Variants in ASB3 observed in about 807,000 individuals in gnomAD.
ASB3 encodes ankyrin repeat and SOCS box containing 3, also known as ankyrin repeat and SOCS box protein 3.
ASB3 carries 41 observed loss-of-function variants against 54.5 expected under a neutral mutation model. The ratio of observed to expected loss-of-function variants is 0.75; its 90% CI spans 0.59 to 0.98. The LOEUF is 0.98. Among genes scored for constraint, ASB3 ranks in the 50% least tolerant of loss-of-function variants. The pLI is 0.00. For missense variants in ASB3, 733 were observed against 620.0 expected (o/e 1.18, Z -1.94); for synonymous variants, 266 against 221.2 (o/e 1.20, Z -1.80).
intron 9 of ASB3, among the ~76,000 whole-genome samples, chr2:53,676,269 T>C (rs1470426197): frequency 6.6e-6 from 1 of 152,224 alleles, no homozygotes; most frequent in Non-Finnish European, 1.5e-5. Flanking sequence ...CGTGCAATTC[T>C]GGATTCAACT....
At chr2:53,737,191 T>C (rs1442742855) in intron 3 of ASB3, among the ~76,000 whole-genome samples, 2 of 152,084 alleles carry the variant, frequency 1.3e-5, no homozygotes, top group East Asian at 3.9e-4. Context: ...CAACTGTGAT[T>C]CCCGAGAGAA....
intron 1 of ASB3, among the ~76,000 whole-genome samples, chr2:53,776,535 T>C (rs942403751): frequency 6.6e-6 from 1 of 152,214 alleles, no homozygotes; most frequent in Non-Finnish European, 1.5e-5. Flanking sequence ...TTGGCCAGTG[T>C]AGTGGCTCAC....
At chr2:53,736,239 C>T (rs1035781439) in intron 3 of ASB3, among the ~76,000 whole-genome samples, 11 of 152,176 alleles carry the variant, frequency 7.2e-5, no homozygotes, top group African/African-American at 2.7e-4. Flanking sequence ...TGGAAAAGTA[C>T]TCACCTTCTT....
intron 5 of ASB3, among the ~76,000 whole-genome samples, chr2:53,724,334 T>C (rs1670871944): frequency 6.6e-6 from 1 of 152,162 alleles, no homozygotes; most frequent in Admixed American, 6.5e-5. Context: ...GCACATTGGC[T>C]CACGCCTGTA....
intron 9 of ASB3, among the ~76,000 whole-genome samples, chr2:53,678,210 C>G (rs938261765): frequency 6.6e-6 from 1 of 151,990 alleles, no homozygotes; most frequent in Non-Finnish European, 1.5e-5. Flanking sequence ...GTACACAACA[C>G]AGTATTTTTA....
intron 6 of ASB3, among the ~76,000 whole-genome samples, chr2:53,715,170 G>C (rs1670315815): frequency 6.6e-6 from 1 of 152,052 alleles, no homozygotes; most frequent in Non-Finnish European, 1.5e-5. Flanking sequence ...AAAGAAGCTG[G>C]CTCCTAGGTA....
chr2:53,675,856 T>C (rs374991187), intron 9 of ASB3, among the ~76,000 whole-genome samples: 3 of 152,184 alleles, frequency 2.0e-5, no homozygotes, highest in African/African-American at 7.2e-5. Flanking sequence ...CAAAATCATC[T>C]CCACATAGCA....
At chr2:53,759,742 C>T (rs946509906) in intron 2 of ASB3, among the ~76,000 whole-genome samples, 5 of 152,158 alleles carry the variant, frequency 3.3e-5, no homozygotes, top group Admixed American at 3.3e-4. Flanking sequence ...AATAAGCCTC[C>T]CCCTCGTCCA....
chr2:53,757,133 G>A (rs926685034), intron 2 of ASB3, among the ~76,000 whole-genome samples: 2 of 152,216 alleles, frequency 1.3e-5, no homozygotes, highest in Non-Finnish European at 2.9e-5. Context: ...AAAGCGGTGA[G>A]TAATATTGGA....
At chr2:53,700,555 A>G (rs1558524900) in intron 7 of ASB3, 27 bp from the exon 8 acceptor site, 1 of 1,575,014 alleles carries the variant, frequency 6.3e-7, no homozygotes. Flanking sequence ...AAAAACAAAA[A>G]AAGAAGAAGT....
At chr2:53,701,014 G>C (rs1328845179) in intron 7 of ASB3, among the ~76,000 whole-genome samples, 1 of 151,980 alleles carries the variant, frequency 6.6e-6, no homozygotes, top group African/African-American at 2.4e-5. Flanking sequence ...CTTGCTCTGT[G>C]GCCCAGGCTG....
rs149155654 is a variant in ASB3 at position 53,723,189 on chromosome 2, T to C, written c.604+5523A>G. On this transcript the variant is annotated intron_variant, in intron 5 of 9. Coordinates refer to ENST00000263634, the MANE Select transcript of ASB3 (RefSeq NM_016115.5). ...ACAAAATACTACTGAAAAAAAATCA[T>C]AGATGACACAAACAAACGGAAAACG... 3.3e-5 allele frequency among the ~76,000 whole-genome samples: 5 copies of C among 152,202 alleles called. No homozygotes were observed. The East Asian group carries it at 5.8e-4, about 18-fold the overall frequency.
chr2:53,755,194 G>A (rs192871328), intron 2 of ASB3, among the ~76,000 whole-genome samples: 31 of 152,322 alleles, frequency 2.0e-4, no homozygotes, highest in African/African-American at 7.0e-4. Flanking sequence ...TATTTCCTGG[G>A]AATACTTGGA....
intron 5 of ASB3, among the ~76,000 whole-genome samples, chr2:53,721,882 A>G (rs1272981794): frequency 7.9e-5 from 12 of 152,142 alleles, no homozygotes; most frequent in Admixed American, 7.9e-4. Flanking sequence ...AAAAATCCAT[A>G]CAAAGGATCA....
chr2:53,746,609 GC>G (rs1672242367), intron 3 of ASB3, among the ~76,000 whole-genome samples: 1 of 151,716 alleles, frequency 6.6e-6, no homozygotes, highest in Non-Finnish European at 1.5e-5. Flanking sequence ...CTCCCAAGTA[GC>G]TCAGATTACA....
At chr2:53,770,436 A>G (rs1310058624) in intron 1 of ASB3, among the ~76,000 whole-genome samples, 8 of 150,182 alleles carry the variant, frequency 5.3e-5, no homozygotes, top group Non-Finnish European at 7.4e-5. Context: ...CAGCATTCCC[A>G]TGAATGATGT....
Position 53,747,070 on chromosome 2 carries a change from C to A in ASB3, c.355+3713G>T, listed in dbSNP as rs765557067. Among the ~76,000 whole-genome samples, 33 of 152,060 alleles carry A rather than the reference C, an allele frequency of 2.2e-4. 1 individual carries two copies. The highest frequency in any genetic ancestry group is 1.0e-3 in the Admixed American group (16 of 15,264). ...ATGTTGAAATATAAACCCCTAAAAA[C>A]TATGCATCTCTAATTTTCTCCAAAT... On this transcript the variant is annotated intron_variant, in intron 3 of 9. Coordinates refer to ENST00000263634, the MANE Select transcript of ASB3 (RefSeq NM_016115.5).
intron 2 of ASB3, among the ~76,000 whole-genome samples, chr2:53,758,235 C>A (rs756109585): frequency 5.3e-5 from 8 of 152,208 alleles, no homozygotes; most frequent in Admixed American, 6.5e-5. Context: ...CATAGCCTTC[C>A]TATCAAAAAT....
intron 9 of ASB3, among the ~76,000 whole-genome samples, chr2:53,681,948 A>G (rs763732155): frequency 1.3e-5 from 2 of 152,048 alleles, no homozygotes; most frequent in Non-Finnish European, 2.9e-5. Context: ...TCACAAAGTC[A>G]GGAGTTCGAG....
Sources: allele counts gnomAD v4.1 joint callset (sites outside exome capture counted in the v4.1 genomes callset), GRCh38; gene constraint gnomAD v4.1.1; transcripts MANE v1.5; gene names NCBI Gene and HGNC (gene_info 2026-07-23, HGNC 2026-07-21).